Variants in DOCK4 observed in about 807,000 individuals in gnomAD.
DOCK4 encodes dedicator of cytokinesis protein 4.
Under a neutral mutation model 268.1 loss-of-function variants are expected in DOCK4, and 97 were observed. The ratio of observed to expected loss-of-function variants is 0.36; its 90% CI spans 0.31 to 0.43. The LOEUF is 0.43. Among genes scored for constraint, DOCK4 ranks in the 20% least tolerant of loss-of-function variants. The probability of loss-of-function intolerance (pLI) is 1.00; values close to 1 mark genes in which losing one functional copy is unlikely to be tolerated. For synonymous variants in DOCK4, 954 were observed against 887.2 expected (o/e 1.08, Z -1.34); for missense variants, 2,145 against 2,455.7 (o/e 0.87, Z 2.67).
At position 112,042,839 on chromosome 7, in the gene DOCK4, G is replaced by C. The variant is rs76528565; in HGVS notation, c.38-38708C>G. On this transcript the variant is annotated intron_variant, in intron 1 of 52. Coordinates refer to ENST00000428084, the MANE Select transcript of DOCK4 (RefSeq NM_001363540.2). ...TCAAGGGGTAATTTGATCATGAAGA[G>C]TTATTTATGTCTTTCTCATGAGAGT... is the stretch of plus-strand genomic sequence containing the variant. Among the ~76,000 whole-genome samples, 1,018 of 152,304 alleles carry C rather than the reference G, an allele frequency of 6.7e-3. 14 individuals carry two copies. Among genetic ancestry groups the C allele is most frequent in the African/African-American group, 0.023 (948 of 41,562 alleles).
intron 28 of DOCK4, 93 bp from the exon 29 acceptor site, chr7:111,809,494 T>C (rs1800922706): frequency 9.2e-7 from 1 of 1,091,974 alleles, no homozygotes; most frequent in African/African-American, 1.6e-5. Context: ...TCAAAAGTGG[T>C]TGAGGGTATA....
chr7:112,114,289 TACA>T (rs1328603267), intron 1 of DOCK4, among the ~76,000 whole-genome samples: 5 of 152,234 alleles, frequency 3.3e-5, no homozygotes, highest in African/African-American at 4.8e-5. Flanking sequence ...CATTTCATTA[TACA>T]ATATAAAAGT....
At chr7:111,906,153 T>C (rs1474572586) in intron 13 of DOCK4, among the ~76,000 whole-genome samples, 2 of 152,126 alleles carry the variant, frequency 1.3e-5, no homozygotes, top group Non-Finnish European at 2.9e-5. Context: ...AATTCAGCCT[T>C]TGTCAGGAGA....
At chr7:111,881,223 T>C (rs1807359485) in intron 16 of DOCK4, among the ~76,000 whole-genome samples, 1 of 152,126 alleles carries the variant, frequency 6.6e-6, no homozygotes, top group Non-Finnish European at 1.5e-5. Flanking sequence ...AACAACTCTC[T>C]AGGGAAAAAT....
intron 1 of DOCK4, among the ~76,000 whole-genome samples, chr7:112,067,914 T>C (rs561428265): frequency 2.9e-4 from 44 of 152,312 alleles, no homozygotes; most frequent in Non-Finnish European, 5.0e-4. Flanking sequence ...GTGAAAGATA[T>C]TGAATAACTT....
At chr7:112,173,545 G>A (rs573194821) in intron 1 of DOCK4, among the ~76,000 whole-genome samples, 1 of 152,214 alleles carries the variant, frequency 6.6e-6, no homozygotes, top group East Asian at 1.9e-4. Context: ...TTTATGGGCG[G>A]TCAGCAGCTA....
chr7:111,988,970 T>A (rs17401943), intron 6 of DOCK4, 45 bp downstream of exon 6: 508,254 of 1,567,860 alleles, frequency 0.32, 88,557 homozygotes, highest in Non-Finnish European at 0.36. Flanking sequence ...GTCACTTCCA[T>A]TGTGTTCACC....
chr7:111,918,406 GTGTC>G (rs1388349857), intron 12 of DOCK4, among the ~76,000 whole-genome samples: 4 of 152,180 alleles, frequency 2.6e-5, no homozygotes, highest in African/African-American at 9.7e-5. Flanking sequence ...AAAATGGAGA[GTGTC>G]TGTCTTTCCA....
intron 1 of DOCK4, among the ~76,000 whole-genome samples, chr7:112,113,978 G>T (rs1168312483): frequency 6.6e-6 from 1 of 151,754 alleles, no homozygotes; most frequent in Non-Finnish European, 1.5e-5. Context: ...TTTACCCCTA[G>T]CCCCACAAAC....
chr7:111,726,705 A>G lies in DOCK4; in HGVS notation c.*1569T>C, dbSNP rs1794670858. ...ACATATGTACAAATATTCTTTTTCC[A>G]TACGTAAAGTATTTGGCATAATTAT... On this transcript the variant is annotated 3_prime_UTR_variant, in exon 53 of 53. Transcript: ENST00000428084. The G allele has an allele frequency of 6.6e-6, 1 of 152,648 alleles. No individual in the cohort carries two copies. The highest frequency in any genetic ancestry group is 2.1e-4 in the South Asian group (1 of 4,826). The allele number at this position is 152,648 out of a possible 1,614,324, so 9.5% of individuals were successfully genotyped here.
At chr7:112,171,762 C>T (rs1307079789) in intron 1 of DOCK4, among the ~76,000 whole-genome samples, 1 of 152,156 alleles carries the variant, frequency 6.6e-6, no homozygotes, top group Non-Finnish European at 1.5e-5. Context: ...CTTCTAGCTG[C>T]CTTATTAGTT....
intron 1 of DOCK4, among the ~76,000 whole-genome samples, chr7:112,062,972 C>T (rs551328418): frequency 1.3e-5 from 2 of 152,282 alleles, no homozygotes; most frequent in East Asian, 1.9e-4. Context: ...CCACCATGCC[C>T]GGTCACTTTC....
Position 111,728,509 on chromosome 7 carries a change from C to T in DOCK4, c.5693G>A (p.Gly1898Glu), listed in dbSNP as rs750073763. 3 of 1,613,490 alleles carry T rather than the reference C, an allele frequency of 1.9e-6. No homozygotes were observed. The highest frequency in any genetic ancestry group is 2.2e-5 in the South Asian group (2 of 91,062). ...PVPVPVPSYG[G>E]EEPVRKESKT... ...GCTCTCCTTGCGCACTGGCTCCTCC[C>T]CGCCGTAGCTCGGCACGGGCACCGG... Residue 1898 changes from glycine to glutamate, a missense_variant, in exon 53 of 53, where the codon GGG (glycine) becomes GAG (glutamate). Transcript: ENST00000428084.
chr7:112,128,153 C>A (rs1476295594), intron 1 of DOCK4, among the ~76,000 whole-genome samples: 2 of 152,208 alleles, frequency 1.3e-5, no homozygotes, highest in South Asian at 2.1e-4. Context: ...AGGGTAGATT[C>A]CAGTACTCTC....
At chr7:112,117,475 A>G (rs1249137498) in intron 1 of DOCK4, among the ~76,000 whole-genome samples, 2 of 152,032 alleles carry the variant, frequency 1.3e-5, no homozygotes, top group African/African-American at 4.8e-5. Context: ...GGTTCAAGCG[A>G]TTCTCCTACC....
intron 30 of DOCK4, among the ~76,000 whole-genome samples, chr7:111,804,245 A>C (rs987160608): frequency 2.0e-5 from 3 of 152,260 alleles, no homozygotes; most frequent in Non-Finnish European, 4.4e-5. Flanking sequence ...ATACGACAGA[A>C]TATTATTCAG....
At chr7:111,875,979 T>C (rs1036352527) in intron 17 of DOCK4, among the ~76,000 whole-genome samples, 2 of 152,172 alleles carry the variant, frequency 1.3e-5, no homozygotes, top group Admixed American at 1.3e-4. Flanking sequence ...CTAATCCACA[T>C]AGAATAAATA....
intron 1 of DOCK4, among the ~76,000 whole-genome samples, chr7:112,139,157 C>T (rs1352976410): frequency 6.6e-6 from 1 of 152,164 alleles, no homozygotes; most frequent in Non-Finnish European, 1.5e-5. Context: ...ACAGTCGCTG[C>T]AAATCCTCCT....
At chr7:112,116,113 T>C (rs912763427) in intron 1 of DOCK4, among the ~76,000 whole-genome samples, 2 of 152,148 alleles carry the variant, frequency 1.3e-5, no homozygotes, top group Non-Finnish European at 2.9e-5. Context: ...TAAAACTTTT[T>C]TAACACCCCA....
Sources: allele counts gnomAD v4.1 joint callset (sites outside exome capture counted in the v4.1 genomes callset), GRCh38; gene constraint gnomAD v4.1.1; transcripts MANE v1.5; gene names NCBI Gene and HGNC (gene_info 2026-07-23, HGNC 2026-07-21).